Variants in ANO4 observed in about 807,000 individuals in gnomAD.
The protein encoded by ANO4 is anoctamin 4.
A neutral mutation model predicts 141.9 loss-of-function variants in ANO4; 69 were observed. That is an observed-to-expected ratio of 0.49 (90% confidence interval 0.40 to 0.59). The LOEUF is 0.59. Among genes scored for constraint, ANO4 ranks in the 20% least tolerant of loss-of-function variants. The pLI, the probability that ANO4 is intolerant of heterozygous loss-of-function variation, is 0.00. For missense variants in ANO4, 894 were observed against 1,162.2 expected (o/e 0.77, Z 3.36); for synonymous variants, 350 against 394.3 (o/e 0.89, Z 1.33).
intron 1 of ANO4, among the ~76,000 whole-genome samples, chr12:100,848,318 T>C (rs1281454033): frequency 6.6e-6 from 1 of 152,160 alleles, no homozygotes; most frequent in Non-Finnish European, 1.5e-5. Context: ...CCTTGTTTCA[T>C]TTCTAGTCAC....
At chr12:100,763,301 C>A (rs2032953405) in intron 3 of ANO4, among the ~76,000 whole-genome samples, 1 of 152,216 alleles carries the variant, frequency 6.6e-6, no homozygotes, top group Admixed American at 6.5e-5. Context: ...ACCCCAGGAG[C>A]CAGTGGGTAC....
intron 1 of ANO4, among the ~76,000 whole-genome samples, chr12:100,817,075 G>C (rs2035776460): frequency 6.6e-6 from 1 of 151,706 alleles, no homozygotes. Context: ...TTGCCTTTGG[G>C]TCATTATTTT....
intron 9 of ANO4, 60 bp from the exon 10 acceptor site, chr12:101,037,035 T>G (rs2047226437): frequency 2.0e-6 from 3 of 1,523,580 alleles, no homozygotes; most frequent in African/African-American, 1.4e-5. Flanking sequence ...TATATTTGTT[T>G]TGAACATTGT....
At chr12:101,061,817 G>A (rs2048359977) in intron 14 of ANO4, among the ~76,000 whole-genome samples, 1 of 151,796 alleles carries the variant, frequency 6.6e-6, no homozygotes, top group African/African-American at 2.4e-5. Context: ...CTTGCATTGG[G>A]TTAGAACATG....
intron 8 of ANO4, among the ~76,000 whole-genome samples, chr12:101,002,338 TGTGCACCTGCAGGA>T (rs2136406718): frequency 1.3e-5 from 2 of 152,340 alleles, no homozygotes; most frequent in East Asian, 3.9e-4. Context: ...TGCCCTTGGC[TGTGCACCTGCAGGA>T]GTGAATAATG....
Position 101,110,520 on chromosome 12 carries a change from T to C in ANO4, c.2266T>C (p.Trp756Arg). 3 of 1,607,534 alleles carry C rather than the reference T, an allele frequency of 1.9e-6. No individual in the cohort carries two copies. Among genetic ancestry groups the C allele is most frequent in the Non-Finnish European group, 2.5e-6 (3 of 1,176,978 alleles). ...TGATGCTTACAAATTTGTCACACAG[T>C]GGAGGAGACCTTTAGCTTCAAGGGC... ...RLDAYKFVTQ[W>R]RRPLASRAKD... Residue 756 changes from tryptophan to arginine, a missense_variant, in exon 23 of 28, where the codon TGG (tryptophan) becomes CGG (arginine). Coordinates refer to ENST00000392977, the MANE Select transcript of ANO4 (RefSeq NM_001286615.2).
At chr12:100,949,827 G>A (rs1471901499) in intron 5 of ANO4, among the ~76,000 whole-genome samples, 1 of 151,942 alleles carries the variant, frequency 6.6e-6, no homozygotes, top group Non-Finnish European at 1.5e-5. Context: ...GATTCATCTG[G>A]GTATAAAGTT....
rs1473345515 is a variant in ANO4, at chr12:101,043,529, T to C, written c.1155-10T>C. On this transcript the variant is annotated splice_polypyrimidine_tract_variant and intron_variant, in intron 12 of 27. Transcript: ENST00000392977. ...CATCAAAAAGCAGTCCTTTCTGTTC[T>C]CTTTTCCAGTAAAGAAGTCTGCCAA... The C allele has an allele frequency of 6.2e-7, 1 of 1,604,028 alleles. No homozygotes were observed. The highest frequency in any genetic ancestry group is 8.5e-7 in the Non-Finnish European group (1 of 1,171,190).
intron 7 of ANO4, among the ~76,000 whole-genome samples, chr12:100,984,530 T>C (rs2044623952): frequency 1.3e-5 from 2 of 152,206 alleles, no homozygotes; most frequent in Admixed American, 1.3e-4. Context: ...AAGCATTTCA[T>C]ACTCACCATG....
At chr12:100,769,855 A>T (rs918133482) in intron 3 of ANO4, among the ~76,000 whole-genome samples, 3 of 152,240 alleles carry the variant, frequency 2.0e-5, no homozygotes, top group Non-Finnish European at 4.4e-5. Flanking sequence ...GTTGGTTATA[A>T]GATATTTGCT....
At chr12:100,832,994 A>T (rs1401552814) in intron 1 of ANO4, among the ~76,000 whole-genome samples, 1 of 152,144 alleles carries the variant, frequency 6.6e-6, no homozygotes, top group East Asian at 1.9e-4. Flanking sequence ...TAGCAGACAG[A>T]TTGCCTGAGA....
chr12:101,105,558 G>A (rs2050406928), intron 22 of ANO4, among the ~76,000 whole-genome samples: 1 of 152,038 alleles, frequency 6.6e-6, no homozygotes, highest in Non-Finnish European at 1.5e-5. Flanking sequence ...CTACATGTGT[G>A]GCATACAATA....
At chr12:100,978,744 GAGA>G (rs1455237439) in intron 7 of ANO4, among the ~76,000 whole-genome samples, 3 of 152,234 alleles carry the variant, frequency 2.0e-5, no homozygotes, top group East Asian at 1.9e-4. Context: ...CAGAGTTGAG[GAGA>G]ATGAGGTTCT....
chr12:100,840,714 C>A (rs190323624), intron 1 of ANO4, among the ~76,000 whole-genome samples: 108 of 152,244 alleles, frequency 7.1e-4, no homozygotes, highest in Non-Finnish European at 1.2e-3. Context: ...CCAAACATAT[C>A]TCTTTTCCAG....
In ANO4 at chr12:100,952,589, G is replaced by C. The variant is rs185642708; in HGVS notation, c.456+10054G>C. On this transcript the variant is annotated intron_variant, in intron 5 of 27. Coordinates refer to ENST00000392977, the MANE Select transcript of ANO4 (RefSeq NM_001286615.2). ...TAGATGGCAAGAGATATAACGATAA[G>C]TCCCACCTCATCACCAGGACTCAGT... is the stretch of plus-strand genomic sequence containing the variant. Among the ~76,000 whole-genome samples the C allele has an allele frequency of 1.6e-4, 24 of 152,230 alleles. No individual in the cohort carries two copies. In the East Asian group the frequency reaches 4.5e-3, roughly 28 times the overall value.
intron 8 of ANO4, among the ~76,000 whole-genome samples, chr12:100,989,537 T>A (rs1334139257): frequency 6.8e-6 from 1 of 146,468 alleles, no homozygotes; most frequent in Non-Finnish European, 1.5e-5. Context: ...ATTGATAGGT[T>A]GCTGGGTGGG....
At chr12:100,910,328 G>A (rs1183630843) in intron 2 of ANO4, among the ~76,000 whole-genome samples, 1 of 152,106 alleles carries the variant, frequency 6.6e-6, no homozygotes, top group African/African-American at 2.4e-5. Context: ...TCATTTAGCA[G>A]TTTCCCAGTT....
At chr12:100,974,110 C>T (rs940633281) in intron 6 of ANO4, among the ~76,000 whole-genome samples, 3 of 152,146 alleles carry the variant, frequency 2.0e-5, no homozygotes, top group Non-Finnish European at 4.4e-5. Context: ...GAATCTAATA[C>T]ATGTATTCTC....
chr12:100,952,723 C>T (rs2043020490), intron 5 of ANO4, among the ~76,000 whole-genome samples: 1 of 152,116 alleles, frequency 6.6e-6, no homozygotes, highest in Non-Finnish European at 1.5e-5. Context: ...AGAAGGTGTT[C>T]TCCCTCCTTT....
Sources: allele counts gnomAD v4.1 joint callset (sites outside exome capture counted in the v4.1 genomes callset), GRCh38; gene constraint gnomAD v4.1.1; transcripts MANE v1.5; gene names NCBI Gene and HGNC (gene_info 2026-07-23, HGNC 2026-07-21).